FOXN3: variants seen among roughly 807,000 people sequenced by gnomAD.
FOXN3 encodes forkhead box N3, also known as forkhead box protein N3.
A neutral mutation model predicts 38.4 loss-of-function variants in FOXN3; 7 were observed. The observed-to-expected ratio is 0.18, with a 90% CI of 0.10 to 0.34. The LOEUF (loss-of-function observed/expected upper bound fraction) is 0.34, where lower values mean the gene tolerates loss of function less well. Among genes scored for constraint, FOXN3 ranks in the 10% least tolerant of loss-of-function variants. The pLI is 1.00. For missense variants in FOXN3, 456 were observed against 613.4 expected, an observed-to-expected ratio of 0.74 and a Z score of 2.71; for synonymous variants, 230 against 242.2, an observed-to-expected ratio of 0.95 and a Z score of 0.47.
intron 2 of FOXN3, among the ~76,000 whole-genome samples, chr14:89,373,229 G>A (rs932933754): frequency 1.3e-5 from 2 of 152,176 alleles, no homozygotes; most frequent in African/African-American, 4.8e-5. Context: ...TAAAGACACT[G>A]AAAGCGTGTT....
intron 1 of FOXN3, among the ~76,000 whole-genome samples, chr14:89,565,421 A>C (rs919718656): frequency 6.6e-6 from 1 of 152,118 alleles, no homozygotes; most frequent in African/African-American, 2.4e-5. Flanking sequence ...CTTCATGTCC[A>C]CTTTTAAGAG....
chr14:89,327,227 T>C (rs1888110436), intron 3 of FOXN3, among the ~76,000 whole-genome samples: 1 of 152,168 alleles, frequency 6.6e-6, no homozygotes. Flanking sequence ...AACTGAAATA[T>C]GAAGAAGTAC....
At chr14:89,326,132 T>C (rs958088662) in intron 3 of FOXN3, among the ~76,000 whole-genome samples, 1 of 152,238 alleles carries the variant, frequency 6.6e-6, no homozygotes, top group Non-Finnish European at 1.5e-5. Flanking sequence ...CGCCAGGCAC[T>C]GTGTGGGCTC....
intron 1 of FOXN3, among the ~76,000 whole-genome samples, chr14:89,447,655 G>T (rs1892530819): frequency 6.6e-6 from 1 of 151,884 alleles, no homozygotes; most frequent in Admixed American, 6.6e-5. Context: ...AGACCGGCAG[G>T]CTCCCAAGGG....
intron 1 of FOXN3, among the ~76,000 whole-genome samples, chr14:89,475,192 T>G (rs1334931067): frequency 1.3e-5 from 2 of 152,198 alleles, no homozygotes; most frequent in Non-Finnish European, 2.9e-5. Flanking sequence ...TACACACCCA[T>G]ATATATAAAG....
At chr14:89,336,669 A>ATGCT (rs1455170190) in intron 3 of FOXN3, among the ~76,000 whole-genome samples, 2 of 152,182 alleles carry the variant, frequency 1.3e-5, no homozygotes, top group Non-Finnish European at 2.9e-5. Flanking sequence ...TGCCCAATAA[A>ATGCT]TGCTTGGTTT....
chr14:89,167,731 T>G (rs1887278506), intron 5 of FOXN3, among the ~76,000 whole-genome samples: 1 of 152,182 alleles, frequency 6.6e-6, no homozygotes, highest in African/African-American at 2.4e-5. Context: ...TAAGGGATAT[T>G]CAGAGACCCA....
At chr14:89,263,991 G>C (rs1325422032) in intron 4 of FOXN3, 1 of 152,312 alleles carries the variant, frequency 6.6e-6, no homozygotes, top group Non-Finnish European at 1.5e-5. Context: ...GGATACTGTA[G>C]AGGTTGCAGT....
chr14:89,451,085 G>T (rs1334602046), intron 1 of FOXN3, among the ~76,000 whole-genome samples: 6 of 152,204 alleles, frequency 3.9e-5, no homozygotes, highest in African/African-American at 1.4e-4. Context: ...GTCTCTCAGC[G>T]AGAAGTGAGA....
intron 4 of FOXN3, among the ~76,000 whole-genome samples, chr14:89,203,379 C>T (rs1296224650): frequency 6.6e-6 from 1 of 152,208 alleles, no homozygotes; most frequent in Non-Finnish European, 1.5e-5. Flanking sequence ...CTAGGGCGTT[C>T]TTCAGAGAGA....
At chr14:89,506,331 G>C (rs79385770) in intron 1 of FOXN3, among the ~76,000 whole-genome samples, 3,956 of 49,802 alleles carry the variant, frequency 0.079, 98 homozygotes, top group Non-Finnish European at 0.15. Context: ...AGGTGGGGGG[G>C]TCAGCCCCCC....
intron 1 of FOXN3, among the ~76,000 whole-genome samples, chr14:89,472,266 A>G (rs1433914905): frequency 8.6e-5 from 13 of 151,724 alleles, no homozygotes; most frequent in Non-Finnish European, 1.9e-4. Flanking sequence ...AAAAAAAAAA[A>G]AAAGAAAGGA....
intron 3 of FOXN3, among the ~76,000 whole-genome samples, chr14:89,333,997 TATATATATATATGTATATAA>T: frequency 1.7e-5 from 1 of 59,490 alleles, no homozygotes. Flanking sequence ...TATATATATA[TATATATATATATGTATATAA>T]ATGTGGTATA....
chr14:89,360,018 T>C lies in FOXN3; in HGVS notation c.544-9210A>G, dbSNP rs73325185. Among the ~76,000 whole-genome samples the C allele has an allele frequency of 9.9e-3, 1,503 of 152,308 alleles. 22 individuals are homozygous for C. The highest frequency in any genetic ancestry group is 0.035 in the African/African-American group (1,436 of 41,562). On this transcript the variant is annotated intron_variant, in intron 2 of 5. Coordinates refer to ENST00000557258, the MANE Select transcript of FOXN3 (RefSeq NM_005197.4). ...GTTGGTACTCCTCATCAAGCTGTCATTCTGTCCAGCATATGCCACGGTCTC... is the reference window on the plus strand; with the variant it reads ...GTTGGTACTCCTCATCAAGCTGTCACTCTGTCCAGCATATGCCACGGTCTC...
intron 3 of FOXN3, among the ~76,000 whole-genome samples, chr14:89,300,180 C>CG (rs548087440): frequency 8.6e-6 from 1 of 115,790 alleles, no homozygotes; most frequent in Non-Finnish European, 1.7e-5. Flanking sequence ...AAGAAATGTA[C>CG]TTTTTTTTTT....
At chr14:89,168,640 C>A (rs1292083680) in intron 5 of FOXN3, among the ~76,000 whole-genome samples, 1 of 152,066 alleles carries the variant, frequency 6.6e-6, no homozygotes, top group Non-Finnish European at 1.5e-5. Context: ...GAAAGAAGAA[C>A]CAACGGAAAC....
At chr14:89,529,186 A>T (rs561692059) in intron 1 of FOXN3, among the ~76,000 whole-genome samples, 26 of 152,162 alleles carry the variant, frequency 1.7e-4, no homozygotes, top group Non-Finnish European at 3.1e-4. Flanking sequence ...AAAATCATAC[A>T]TAGGTGGTTC....
chr14:89,162,813 G>A lies in FOXN3; in HGVS notation c.1008C>T (p.Ser336=), dbSNP rs12883064. Residue 336 remains serine, a synonymous_variant, in exon 6 of 6, where the codon TCC becomes TCT. Transcript: ENST00000557258. The surrounding 1 kb of genome is among the most constrained non-coding windows in gnomAD (Gnocchi z 7.2). Reference sequence around the variant, plus strand: ...CATAGTGGTCGTCGGCTGAGGAGGAGGAGGAGGAGATGGAGTCGCTGGTGG... The same window carrying A: ...CATAGTGGTCGTCGGCTGAGGAGGAAGAGGAGGAGATGGAGTCGCTGGTGG... ...TSPTSDSISS[S]SSSADDHYEF... 3 of 1,612,554 alleles carry A rather than the reference G, an allele frequency of 1.9e-6. No homozygotes were observed. Among genetic ancestry groups the A allele is most frequent in the African/African-American group, 2.7e-5 (2 of 75,024 alleles).
intron 4 of FOXN3, among the ~76,000 whole-genome samples, chr14:89,257,582 T>C (rs187666854): frequency 1.3e-5 from 2 of 152,264 alleles, no homozygotes; most frequent in Non-Finnish European, 2.9e-5. Context: ...ATTTTCACCA[T>C]AAAGAGTCTG....
Sources: allele counts gnomAD v4.1 joint callset (sites outside exome capture counted in the v4.1 genomes callset), GRCh38; gene constraint gnomAD v4.1.1; non-coding constraint Gnocchi (gnomAD v3.1); transcripts MANE v1.5; gene names NCBI Gene and HGNC (gene_info 2026-07-23, HGNC 2026-07-21).